BABAM2: variants seen among roughly 807,000 people sequenced by gnomAD.
BABAM2 encodes BRISC and BRCA1 A complex member 2, also known as BRISC and BRCA1-A complex member 2.
A neutral mutation model predicts 54.7 loss-of-function variants in BABAM2; 31 were observed. The observed-to-expected ratio is 0.57, with a 90% confidence interval of 0.43 to 0.77. BABAM2 has a LOEUF of 0.77. Ranked by LOEUF, BABAM2 falls within the 30% of genes least tolerant of loss-of-function variation. The pLI is 0.00. For synonymous variants in BABAM2, 167 were observed against 162.9 expected, an observed-to-expected ratio of 1.03 and a Z score of -0.19; for missense variants, 364 against 455.8, an observed-to-expected ratio of 0.80 and a Z score of 1.83.
At chr2:27,901,691 T>A (rs546424919) in intron 2 of BABAM2, among the ~76,000 whole-genome samples, 1 of 152,288 alleles carries the variant, frequency 6.6e-6, no homozygotes, top group South Asian at 2.1e-4. Flanking sequence ...TGGGAGGCAA[T>A]AGTTTAATTT....
At chr2:27,988,195 T>C (rs1203347077) in intron 4 of BABAM2, 108 bp downstream of exon 4, 1 of 983,952 alleles carries the variant, frequency 1.0e-6, no homozygotes, top group Admixed American at 1.8e-5. Flanking sequence ...TGCATTTTTT[T>C]CCCACCCCTC....
At chr2:28,074,516 C>G (rs954285109) in intron 6 of BABAM2, among the ~76,000 whole-genome samples, 2 of 152,142 alleles carry the variant, frequency 1.3e-5, no homozygotes, top group Non-Finnish European at 2.9e-5. Flanking sequence ...CCAGGACTTA[C>G]AAAGCAAAAT....
intron 6 of BABAM2, among the ~76,000 whole-genome samples, chr2:28,067,612 C>T (rs772343945): frequency 4.8e-4 from 73 of 152,214 alleles, no homozygotes; most frequent in Non-Finnish European, 7.4e-4. Context: ...GTGTGGAATG[C>T]CAGATTAAAG....
At chr2:28,113,280 G>A (rs1162895390) in intron 6 of BABAM2, among the ~76,000 whole-genome samples, 1 of 152,116 alleles carries the variant, frequency 6.6e-6, no homozygotes, top group Non-Finnish European at 1.5e-5. Flanking sequence ...CTTTGCCCAT[G>A]CCTGTGTCCT....
At chr2:28,130,640 G>T (rs1199360995) in intron 7 of BABAM2, among the ~76,000 whole-genome samples, 1 of 152,068 alleles carries the variant, frequency 6.6e-6, no homozygotes. Context: ...TTTTTGTAGA[G>T]ACCGGGTCTC....
intron 6 of BABAM2, among the ~76,000 whole-genome samples, chr2:28,079,248 G>T (rs546263186): frequency 2.0e-5 from 3 of 152,206 alleles, no homozygotes; most frequent in African/African-American, 4.8e-5. Context: ...AAGGTAAGGG[G>T]CTACACAGGC....
intron 5 of BABAM2, among the ~76,000 whole-genome samples, chr2:28,041,526 C>T (rs1299031905): frequency 6.6e-6 from 1 of 152,216 alleles, no homozygotes; most frequent in East Asian, 1.9e-4. Flanking sequence ...TGTTGCACAT[C>T]CTCCAGGGGT....
intron 4 of BABAM2, among the ~76,000 whole-genome samples, chr2:28,017,867 T>C (rs959612313): frequency 2.0e-5 from 3 of 152,250 alleles, no homozygotes; most frequent in Admixed American, 6.5e-5. Flanking sequence ...TGGAATGATA[T>C]TCCATTGTAT....
intron 11 of BABAM2, among the ~76,000 whole-genome samples, chr2:28,314,011 G>A (rs954425615): frequency 6.6e-6 from 1 of 152,110 alleles, no homozygotes; most frequent in African/African-American, 2.4e-5. Flanking sequence ...TTGGGAGACT[G>A]GATAATCCTT....
rs193291701 is a variant in BABAM2 at position 28,060,308 on chromosome 2, A to G, written c.570+14509A>G. ...TGACAAAATTGAGCATATATTCCTG[A>G]TTAAAAAACTCTTAGGAATCTAGGA... On this transcript the variant is annotated intron_variant, in intron 6 of 11. Coordinates refer to ENST00000379624, the MANE Select transcript of BABAM2 (RefSeq NM_199191.3). Among the ~76,000 whole-genome samples, 97 of 152,338 alleles carry G rather than the reference A, an allele frequency of 6.4e-4. 1 individual carries two copies. The East Asian group carries it at 0.013, about 20-fold the overall frequency.
chr2:27,965,393 T>A (rs561314649), intron 3 of BABAM2, among the ~76,000 whole-genome samples: 10 of 152,244 alleles, frequency 6.6e-5, no homozygotes, highest in Middle Eastern at 3.2e-3. Flanking sequence ...TGAACTCTTA[T>A]GTACCTATCA....
At position 27,974,249 on chromosome 2, in the gene BABAM2, A is replaced by G. The variant is rs530707366; in HGVS notation, c.206-13744A>G. On this transcript the variant is annotated intron_variant, in intron 3 of 11. Coordinates refer to ENST00000379624, the MANE Select transcript of BABAM2 (RefSeq NM_199191.3). ...AGTCAAAGAAAGTAGAAGAAAACAA[A>G]CAAACAAACTATAGGCCAGTATCCC... Among the ~76,000 whole-genome samples, 7 of 152,316 alleles carry G rather than the reference A, an allele frequency of 4.6e-5. No homozygotes were observed. The East Asian group carries it at 7.7e-4, about 17-fold the overall frequency.
At chr2:28,045,553 C>T (rs984565890) in intron 5 of BABAM2, among the ~76,000 whole-genome samples, 172 bp from the exon 6 acceptor site, 1 of 152,194 alleles carries the variant, frequency 6.6e-6, no homozygotes, top group Non-Finnish European at 1.5e-5. Context: ...AATTTAAGAA[C>T]TCTTTCTGAT....
Position 28,025,303 on chromosome 2 carries a change from A to G in BABAM2, c.378A>G (p.Gln126=), listed in dbSNP as rs778517134. The change falls in exon 5 of 12, where the codon CAA becomes CAG. Residue 126 remains glutamine (Q), a synonymous_variant. Transcript: ENST00000379624. ...VVKELVQQYH[Q]FQCSRLRESS... ...AGGAACTTGTGCAACAATATCACCA[A>G]TTCCAATGTAGCCGCCTCCGGGAGA... is the stretch of plus-strand genomic sequence containing the variant. The G allele has an allele frequency of 4.3e-6, 7 of 1,612,896 alleles. No individual in the cohort carries two copies. In the African/African-American group the frequency reaches 6.7e-5, roughly 15 times the overall value.
At chr2:27,981,075 C>G (rs1209341957) in intron 3 of BABAM2, among the ~76,000 whole-genome samples, 1 of 152,018 alleles carries the variant, frequency 6.6e-6, no homozygotes, top group South Asian at 2.1e-4. Flanking sequence ...TTAACATTAT[C>G]CAGTCGTGTC....
At chr2:28,163,043 A>G (rs2147818445) in intron 7 of BABAM2, among the ~76,000 whole-genome samples, 1 of 152,238 alleles carries the variant, frequency 6.6e-6, no homozygotes, top group African/African-American at 2.4e-5. Context: ...CTAGTACCAA[A>G]TATTTTTATT....
chr2:27,904,107 A>G (rs1666021822), intron 2 of BABAM2, among the ~76,000 whole-genome samples: 1 of 152,186 alleles, frequency 6.6e-6, no homozygotes, highest in Non-Finnish European at 1.5e-5. Flanking sequence ...GGACAGAGGG[A>G]TGAGTCATGT....
rs750692921 is a variant in BABAM2, at chr2:27,987,957, GAAAT to G, written c.206-32_206-29del. 8 of 1,534,076 alleles carry G rather than the reference GAAAT, an allele frequency of 5.2e-6. No homozygotes were observed. In the East Asian group the frequency reaches 1.4e-4, roughly 26 times the overall value. ...CTTCAGAATATTCATACTTAGAAAGGAAATAAAAAGGACCTGTCATTTTCTTTTA... is the reference window on the plus strand; with the variant it reads ...CTTCAGAATATTCATACTTAGAAAGGAAAAAGGACCTGTCATTTTCTTTTA... On this transcript the variant is annotated intron_variant, in intron 3 of 11. Coordinates refer to ENST00000379624, the MANE Select transcript of BABAM2 (RefSeq NM_199191.3).
intron 6 of BABAM2, among the ~76,000 whole-genome samples, chr2:28,072,829 A>G (rs1198348645): frequency 6.6e-6 from 1 of 152,244 alleles, no homozygotes; most frequent in Non-Finnish European, 1.5e-5. Flanking sequence ...AATGTAGAAA[A>G]CTTTGAACAT....
Sources: allele counts gnomAD v4.1 joint callset (sites outside exome capture counted in the v4.1 genomes callset), GRCh38; gene constraint gnomAD v4.1.1; transcripts MANE v1.5; gene names NCBI Gene and HGNC (gene_info 2026-07-23, HGNC 2026-07-21).